Variants in KIR3DL3 observed in about 807,000 individuals in gnomAD.
KIR3DL3 encodes killer cell immunoglobulin like receptor, three Ig domains and long cytoplasmic tail 3, also known as killer cell immunoglobulin-like receptor 3DL3.
KIR3DL3 carries 27 observed loss-of-function variants against 34.9 expected under a neutral mutation model. That is an observed-to-expected ratio of 0.77 (90% confidence interval 0.57 to 1.07). The LOEUF (loss-of-function observed/expected upper bound fraction) is 1.07. Among genes scored for constraint, KIR3DL3 ranks in the 50% least tolerant of loss-of-function variants. KIR3DL3 has a pLI of 0.00. For missense variants in KIR3DL3, 681 were observed against 528.5 expected (o/e 1.29, Z -2.83); for synonymous variants, 217 against 200.2 (o/e 1.08, Z -0.71).
intron 5 of KIR3DL3, among the ~76,000 whole-genome samples, chr19:54,730,289 C>T (rs1436356571): frequency 7.3e-5 from 11 of 149,700 alleles, no homozygotes; most frequent in East Asian, 2.0e-4. Flanking sequence ...CACGGTGGCT[C>T]ACGGTTGTAA....
intron 7 of KIR3DL3, 22 bp from the exon 8 acceptor site, chr19:54,735,949 C>T (rs1254618691): frequency 2.5e-6 from 4 of 1,611,360 alleles, no homozygotes; most frequent in Non-Finnish European, 3.4e-6. Context: ...CCCTCCCTCA[C>T]TCAGCATTTC....
In KIR3DL3 at chr19:54,727,608, T is replaced by G. The variant is rs1446724169; in HGVS notation, c.356-3T>G. On this transcript the variant is annotated splice_region_variant and splice_polypyrimidine_tract_variant and intron_variant, in intron 3 of 7. Coordinates refer to ENST00000291860, the MANE Select transcript of KIR3DL3 (RefSeq NM_153443.5). The stretch of plus-strand genomic sequence containing the variant: ...CTTCTGAACTCACAACCTCTCTTCT[T>G]AGGAGTCCACAGAAAACCTTCCCTC... 1.2e-6 allele frequency: 2 copies of G among 1,609,524 alleles called. No homozygotes were observed. The highest frequency in any genetic ancestry group is 8.5e-7 in the Non-Finnish European group (1 of 1,178,668).
chr19:54,732,786 G>A (rs1181828085), intron 5 of KIR3DL3, among the ~76,000 whole-genome samples: 1 of 152,178 alleles, frequency 6.6e-6, no homozygotes, highest in East Asian at 1.9e-4. Flanking sequence ...GAGATGGGGA[G>A]AATGACAAGA....
In KIR3DL3 at chr19:54,729,556, T is replaced by A. The variant is rs2068577324; in HGVS notation, c.719T>A (p.Val240Glu). 1.1e-5 allele frequency: 17 copies of A among 1,607,584 alleles called. No individual in the cohort carries two copies. Among genetic ancestry groups the A allele is most frequent in the Non-Finnish European group, 1.4e-5 (17 of 1,178,536 alleles). The part of the protein sequence containing the change: ...PGPTVQAGEN[V>E]TLSCSSRSLF... ...CCCACGGTTCAGGCAGGAGAGAATG[T>A]GACCTTGTCCTGCAGCTCCCGGAGC... is the stretch of plus-strand genomic sequence containing the variant. The change falls in exon 5 of 8, where the codon GTG becomes GAG. Residue 240 changes from valine (V) to glutamate (E), a missense_variant. Val to Glu is a moderately radical substitution (Grantham distance 121, BLOSUM62 -2). Coordinates refer to ENST00000291860, the MANE Select transcript of KIR3DL3 (RefSeq NM_153443.5).
chr19:54,729,790 A>G lies in KIR3DL3; in HGVS notation c.949+4A>G, dbSNP rs2068615498. ...CCACTGCCCGTTTCTGTCACAGGTGAGAAAACACCATGCCTGTCCCATGTC... is the reference window on the plus strand; with the variant it reads ...CCACTGCCCGTTTCTGTCACAGGTGGGAAAACACCATGCCTGTCCCATGTC... On this transcript the variant is annotated splice_donor_region_variant and intron_variant, in intron 5 of 7. Coordinates refer to ENST00000291860, the MANE Select transcript of KIR3DL3 (RefSeq NM_153443.5). 2.6e-5 allele frequency: 41 copies of G among 1,595,456 alleles called. No homozygotes were observed. In the South Asian group the frequency reaches 4.4e-4, roughly 17 times the overall value.
At chr19:54,727,951 T>C (rs1165319740) in intron 4 of KIR3DL3, 41 bp downstream of exon 4, 1 of 1,559,266 alleles carries the variant, frequency 6.4e-7, no homozygotes, top group East Asian at 2.2e-5. Context: ...TGCTGGGAGA[T>C]GGAGTGAATG....
At chr19:54,735,789 G>T in intron 6 of KIR3DL3, 31 bp from the exon 7 acceptor site, 1 of 1,606,776 alleles carries the variant, frequency 6.2e-7, no homozygotes. Context: ...AGTGCCCTCC[G>T]AGCTGTTTTG....
chr19:54,726,370 C>T, intron 3 of KIR3DL3, 33 bp downstream of exon 3: 2 of 1,599,386 alleles, frequency 1.3e-6, no homozygotes, highest in Non-Finnish European at 1.7e-6. Flanking sequence ...TTCTCACTGT[C>T]CCACCTCCTG....
intron 5 of KIR3DL3, among the ~76,000 whole-genome samples, chr19:54,730,935 G>T (rs1235295815): frequency 6.6e-6 from 1 of 152,106 alleles, no homozygotes; most frequent in Non-Finnish European, 1.5e-5. Context: ...CCTTTCCTTT[G>T]GGTTTACACC....
In KIR3DL3 at chr19:54,729,930, T is replaced by C. The variant is rs1324639923; in HGVS notation, c.949+144T>C. The C allele has an allele frequency of 1.5e-5, 8 of 550,678 alleles. No homozygotes were observed. The Admixed American group carries it at 2.6e-4, about 18-fold the overall frequency. 34.1% of individuals were successfully genotyped at this position (550,678 alleles called of 1,614,324 possible). On this transcript the variant is annotated intron_variant, in intron 5 of 7. Transcript: ENST00000291860. Reference sequence around the variant, plus strand: ...GTAAGGGCGGGGTCAGGGCGCAGGATGGCAGACAGGGCACCTCCAAACCCT... The same window carrying C: ...GTAAGGGCGGGGTCAGGGCGCAGGACGGCAGACAGGGCACCTCCAAACCCT...
chr19:54,725,111 G>C (rs2068017442), intron 1 of KIR3DL3, 136 bp from the exon 2 acceptor site: 1 of 520,414 alleles, frequency 1.9e-6, no homozygotes, highest in African/African-American at 2.3e-5. Context: ...GCCTGGAGTA[G>C]AGATATAGGA....
chr19:54,725,967 G>A (rs2075729), intron 2 of KIR3DL3, 86 bp from the exon 3 acceptor site: 88,047 of 1,283,844 alleles, frequency 0.069, 8,498 homozygotes, highest in East Asian at 0.51. Flanking sequence ...CCTTAGAAAC[G>A]TGGAAATGGG....
intron 5 of KIR3DL3, among the ~76,000 whole-genome samples, chr19:54,732,076 T>C (rs2068857340): frequency 6.6e-6 from 1 of 152,194 alleles, no homozygotes; most frequent in African/African-American, 2.4e-5. Flanking sequence ...AGCATTCTCC[T>C]GCCTTCCACA....
intron 5 of KIR3DL3, among the ~76,000 whole-genome samples, chr19:54,733,934 T>C (rs1462913592): frequency 6.6e-6 from 1 of 152,014 alleles, no homozygotes; most frequent in Admixed American, 6.6e-5. Context: ...CATTTCGTAC[T>C]AACTCACAGA....
chr19:54,728,400 C>T (rs1487929432), intron 4 of KIR3DL3, among the ~76,000 whole-genome samples: 4 of 146,802 alleles, frequency 2.7e-5, no homozygotes, highest in Non-Finnish European at 3.0e-5. Context: ...CTGTCATCGT[C>T]CCAGGACACC....
Position 54,736,421 on chromosome 19 carries a change from C to T in KIR3DL3, c.*325C>T. The T allele has an allele frequency of 2.2e-6, 1 of 446,970 alleles. No individual in the cohort carries two copies. Among genetic ancestry groups the T allele is most frequent in the Non-Finnish European group, 4.0e-6 (1 of 248,886 alleles). The allele number at this position is 446,970 out of a possible 1,614,324, so 27.7% of individuals were successfully genotyped here. A position where few individuals can be genotyped will look rare whatever the true frequency, so the allele number is the denominator to read the frequency against. On this transcript the variant is annotated 3_prime_UTR_variant, in exon 8 of 8. Transcript: ENST00000291860. ...CTGCCCACCTCTCCAACCTAACTGG[C>T]TTACTTCCTAGTCTACTTGAGGCTG...
chr19:54,736,177 T>A lies in KIR3DL3; in HGVS notation c.*81T>A. 4 of 1,580,102 alleles carry A rather than the reference T, an allele frequency of 2.5e-6. No homozygotes were observed. The highest frequency in any genetic ancestry group is 3.5e-6 in the Non-Finnish European group (4 of 1,155,506). Reference sequence around the variant, plus strand: ...CCACAGTCAGGCCTTGATGGGATCTTCTAGGGAGACAATAGCCCTGTCTCA... The same window carrying A: ...CCACAGTCAGGCCTTGATGGGATCTACTAGGGAGACAATAGCCCTGTCTCA... On this transcript the variant is annotated 3_prime_UTR_variant, in exon 8 of 8. Coordinates refer to ENST00000291860, the MANE Select transcript of KIR3DL3 (RefSeq NM_153443.5).
chr19:54,725,885 G>A (rs1245346480), intron 2 of KIR3DL3, among the ~76,000 whole-genome samples, 168 bp from the exon 3 acceptor site: 2 of 152,142 alleles, frequency 1.3e-5, no homozygotes, highest in Non-Finnish European at 2.9e-5. Context: ...GCTGACACTT[G>A]CTGTAGGGAG....
rs62132665 is a variant in KIR3DL3, at chr19:54,727,702, G to T, written c.447G>T (p.Arg149Ser). The T allele has an allele frequency of 0.074, 120,103 of 1,612,726 alleles. 4,668 individuals are homozygous for T. The highest frequency in any genetic ancestry group is 0.1 in the Middle Eastern group (636 of 6,062). ...TVILQCWSDVRFERFLLHREG... is the reference protein window; with the variant it reads ...TVILQCWSDVSFERFLLHREG... ...TCCTGCAATGTTGGTCAGATGTCAG[G>T]TTTGAGCGCTTCCTTCTGCACAGAG... The change falls in exon 4 of 8, where the codon AGG becomes AGT. Residue 149 changes from arginine to serine, a missense_variant. Physicochemically the swap from Arg to Ser is moderately radical, Grantham distance 110. Transcript: ENST00000291860.
Sources: allele counts gnomAD v4.1 joint callset (sites outside exome capture counted in the v4.1 genomes callset), GRCh38; gene constraint gnomAD v4.1.1; transcripts MANE v1.5; gene names NCBI Gene and HGNC (gene_info 2026-07-23, HGNC 2026-07-21).